The following CCDC158 variants were observed in gnomAD, a reference collection of about 807,000 sequenced individuals.
The protein encoded by CCDC158 is coiled-coil domain containing 158.
Under a neutral mutation model 138.6 loss-of-function variants are expected in CCDC158, and 116 were observed. The observed-to-expected ratio is 0.84, with a 90% CI of 0.72 to 0.98. CCDC158 has a LOEUF of 0.98. Ranked by LOEUF, CCDC158 falls within the 50% of genes least tolerant of loss-of-function variation. The probability of loss-of-function intolerance (pLI) is 0.00; values close to 1 mark genes in which losing one functional copy is unlikely to be tolerated. For synonymous variants in CCDC158, 436 were observed against 442.4 expected, an observed-to-expected ratio of 0.99 and a Z score of 0.18; for missense variants, 1,265 against 1,306.1, an observed-to-expected ratio of 0.97 and a Z score of 0.48.
rs569207869 is a variant in CCDC158 at position 76,412,714 on chromosome 4, A to G, written c.-116-582T>C. The stretch of plus-strand genomic sequence containing the variant: ...TGCAGTGAGCCGAGATTGTGCCACT[A>G]CACTCCAGCCTGGGTGACAGAACGA... On this transcript the variant is annotated intron_variant, in intron 1 of 24. Transcript: ENST00000682701. Among the ~76,000 whole-genome samples, 6 of 152,164 alleles carry G rather than the reference A, an allele frequency of 3.9e-5. No individual in the cohort carries two copies. In the South Asian group the frequency reaches 1.2e-3, roughly 32 times the overall value.
chr4:76,323,276 G>T, intron 24 of CCDC158, 26 bp downstream of exon 24: 1 of 1,504,518 alleles, frequency 6.6e-7, no homozygotes, highest in Non-Finnish European at 9.2e-7. Flanking sequence ...GAGCGAGGAA[G>T]ATCTCTCCAA....
intron 2 of CCDC158, among the ~76,000 whole-genome samples, chr4:76,405,658 T>C (rs2109878891): frequency 6.6e-6 from 1 of 151,960 alleles, no homozygotes; most frequent in East Asian, 1.9e-4. Flanking sequence ...GGAGAATAAA[T>C]GTAACTAAAA....
intron 19 of CCDC158, 77 bp from the exon 20 acceptor site, chr4:76,332,568 C>A: frequency 8.8e-7 from 1 of 1,132,804 alleles, no homozygotes; most frequent in Non-Finnish European, 1.3e-6. Flanking sequence ...TAATCAATTG[C>A]TTACATATAT....
intron 11 of CCDC158, among the ~76,000 whole-genome samples, chr4:76,368,942 G>A (rs543229035): frequency 1.4e-4 from 21 of 152,314 alleles, no homozygotes; most frequent in Middle Eastern, 6.8e-3. Flanking sequence ...TAGGCCGGGC[G>A]CAGTGGCTCA....
intron 24 of CCDC158, among the ~76,000 whole-genome samples, chr4:76,315,697 G>T (rs1719316851): frequency 6.6e-6 from 1 of 152,146 alleles, no homozygotes; most frequent in South Asian, 2.1e-4. Flanking sequence ...CTATGACCAA[G>T]GACTCTCACA....
chr4:76,326,857 A>G (rs1720576639), intron 22 of CCDC158, among the ~76,000 whole-genome samples: 1 of 152,176 alleles, frequency 6.6e-6, no homozygotes, highest in Admixed American at 6.5e-5. Context: ...AGAATTTATC[A>G]CCAGCAGATT....
chr4:76,405,873 T>C (rs548322494), intron 2 of CCDC158, among the ~76,000 whole-genome samples: 1 of 152,138 alleles, frequency 6.6e-6, no homozygotes, highest in South Asian at 2.1e-4. Flanking sequence ...ACAAAGAATT[T>C]TAAATGGAAA....
Position 76,369,507 on chromosome 4 carries a change from G to A in CCDC158, c.1266C>T (p.Asp422=). ...ITIDHLRREL[D]NRNMEVQRLE... ...GGCGCTGCACCTCCATGTTCCGGTT[G>A]TCCAGTTCCCGCCGCAGGTGGTCAA... is the stretch of plus-strand genomic sequence containing the variant. Residue 422 remains aspartate, a synonymous_variant, in exon 11 of 25, where the codon GAC becomes GAT. Coordinates refer to ENST00000682701, the MANE Select transcript of CCDC158 (RefSeq NM_001394954.1). 6.2e-7 allele frequency: 1 copy of A among 1,614,122 alleles called. No individual in the cohort carries two copies. The highest frequency in any genetic ancestry group is 2.2e-5 in the East Asian group (1 of 44,870).
chr4:76,363,677 T>C (rs1380386874), intron 12 of CCDC158, among the ~76,000 whole-genome samples: 1 of 151,928 alleles, frequency 6.6e-6, no homozygotes, highest in East Asian at 1.9e-4. Context: ...TGGAGTGAAG[T>C]GAGCTTGGGG....
intron 4 of CCDC158, among the ~76,000 whole-genome samples, chr4:76,387,320 C>A (rs1201443959): frequency 6.6e-6 from 1 of 152,142 alleles, no homozygotes; most frequent in African/African-American, 2.4e-5. Context: ...AAGATACACC[C>A]TGGGCCAAAA....
chr4:76,407,980 G>A (rs1411960084), intron 2 of CCDC158, among the ~76,000 whole-genome samples: 2 of 152,040 alleles, frequency 1.3e-5, no homozygotes, highest in African/African-American at 2.4e-5. Flanking sequence ...GTCCTTCAAA[G>A]GGGAATTTTT....
intron 19 of CCDC158, 124 bp from the exon 20 acceptor site, chr4:76,332,615 C>T (rs1721104771): frequency 1.6e-6 from 1 of 639,080 alleles, no homozygotes; most frequent in Non-Finnish European, 2.5e-6. Context: ...AGATTTTAGG[C>T]CTCCAAGCAA....
chr4:76,358,822 T>C (rs1444792324), intron 13 of CCDC158, among the ~76,000 whole-genome samples: 1 of 152,198 alleles, frequency 6.6e-6, no homozygotes. Flanking sequence ...GTGAGCTTCA[T>C]TGTGGGGTTT....
intron 4 of CCDC158, among the ~76,000 whole-genome samples, chr4:76,387,054 A>C (rs1288239236): frequency 1.3e-5 from 2 of 152,156 alleles, no homozygotes; most frequent in Admixed American, 1.3e-4. Context: ...AGAGCCAGTA[A>C]ACTAGGGTGG....
chr4:76,408,171 C>T (rs966890057), intron 2 of CCDC158, among the ~76,000 whole-genome samples: 3 of 149,672 alleles, frequency 2.0e-5, no homozygotes, highest in African/African-American at 4.9e-5. Flanking sequence ...TCTTTATATA[C>T]ATATATGTAT....
At chr4:76,346,958 C>T (rs1337299627) in intron 18 of CCDC158, among the ~76,000 whole-genome samples, 1 of 151,974 alleles carries the variant, frequency 6.6e-6, no homozygotes, top group Non-Finnish European at 1.5e-5. Context: ...TAGAGAAATG[C>T]AAATCAAAAC....
chr4:76,376,493 T>C (rs185252012), intron 9 of CCDC158, among the ~76,000 whole-genome samples: 3 of 152,356 alleles, frequency 2.0e-5, no homozygotes, highest in Admixed American at 1.3e-4. Context: ...AAGGTTTTAA[T>C]AGGCTTTAGC....
At position 76,357,428 on chromosome 4, in the gene CCDC158, C is replaced by G. The variant is rs1723681643; in HGVS notation, c.2119G>C (p.Glu707Gln). The change falls in exon 14 of 25, where the codon GAA (glutamate) becomes CAA (glutamine). Residue 707 changes from glutamate (E) to glutamine (Q), a missense_variant. Transcript: ENST00000682701. The part of the protein sequence containing the change: ...LKMQLKSAQS[E>Q]LEQTRNTLKS... Reference sequence around the variant, plus strand: ...AATGTATTTCTTGTCTGTTCTAGTTCAGACTGTGCAGATTTTAATTGCATT... The same window carrying G: ...AATGTATTTCTTGTCTGTTCTAGTTGAGACTGTGCAGATTTTAATTGCATT... 1 of 1,605,594 alleles carries G rather than the reference C, an allele frequency of 6.2e-7. No homozygotes were observed. Among genetic ancestry groups the G allele is most frequent in the Non-Finnish European group, 8.5e-7 (1 of 1,176,362 alleles).
intron 11 of CCDC158, 120 bp from the exon 12 acceptor site, chr4:76,367,896 T>A: frequency 6.5e-5 from 6 of 92,390 alleles, no homozygotes; most frequent in Non-Finnish European, 7.1e-5. Context: ...AGTAAGATCT[T>A]TTTTTTTTTT....
Sources: gnomAD v4.1 joint callset for allele counts (sites outside exome capture counted in the v4.1 genomes callset) on GRCh38, gnomAD v4.1.1 for gene constraint, MANE v1.5 for transcripts, NCBI Gene and HGNC (gene_info 2026-07-23, HGNC 2026-07-21) for gene names.